The following JAK1 variants were observed in gnomAD, a reference collection of about 807,000 sequenced individuals.
The protein encoded by JAK1 is tyrosine-protein kinase JAK1.
Under a neutral mutation model 136.6 loss-of-function variants are expected in JAK1, and 16 were observed. The ratio of observed to expected loss-of-function variants is 0.12; its 90% confidence interval spans 0.08 to 0.18. The LOEUF is 0.18. JAK1 is among the 10% of genes least tolerant of loss of function. JAK1 has a pLI of 1.00. For missense variants in JAK1, 859 were observed against 1,450.1 expected, an observed-to-expected ratio of 0.59 and a Z score of 6.62; for synonymous variants, 492 against 519.5, an observed-to-expected ratio of 0.95 and a Z score of 0.72.
intron 2 of JAK1, among the ~76,000 whole-genome samples, chr1:64,977,805 T>C (rs1646510616): frequency 6.6e-6 from 1 of 151,696 alleles, no homozygotes; most frequent in African/African-American, 2.4e-5. Context: ...TGCCCAGCAC[T>C]GTGCTAAGTA....
At chr1:64,989,910 A>C (rs1569834267) in intron 2 of JAK1, 1 of 152,210 alleles carries the variant, frequency 6.6e-6, no homozygotes, top group Non-Finnish European at 1.5e-5. Context: ...GTGTTGAAGG[A>C]GGGCCCCAGT....
intron 1 of JAK1, among the ~76,000 whole-genome samples, chr1:65,060,615 A>G (rs1383768029): frequency 6.6e-6 from 1 of 150,956 alleles, no homozygotes; most frequent in Non-Finnish European, 1.5e-5. Context: ...CCTAAATTAG[A>G]AAAAAAAAGA....
chr1:64,993,221 T>C (rs944431087), intron 2 of JAK1: 1 of 152,248 alleles, frequency 6.6e-6, no homozygotes, highest in African/African-American at 2.4e-5. Context: ...AGTCGACTTT[T>C]AAAATTTACT....
Position 64,985,016 on chromosome 1 carries a change from A to T in JAK1, c.-78+59464T>A, listed in dbSNP as rs370743856. 55 of 860,520 alleles carry T rather than the reference A, an allele frequency of 6.4e-5. 5 individuals carry two copies. The highest frequency in any genetic ancestry group is 1.3e-4 in the African/African-American group (8 of 60,644). The allele number at this position is 860,520 out of a possible 1,614,324, so 53.3% of individuals were successfully genotyped here. Reference sequence around the variant, plus strand: ...CCCCAATACAGACAAAGCTTATCCCATTACACTCATCCTTCAATAACAAAC... The same window carrying T: ...CCCCAATACAGACAAAGCTTATCCCTTTACACTCATCCTTCAATAACAAAC... On this transcript the variant is annotated intron_variant, in intron 2 of 25. Coordinates refer to the JAK1 transcript ENST00000671954.
At chr1:64,999,810 G>A (rs1035254837) in intron 2 of JAK1, among the ~76,000 whole-genome samples, 3 of 151,448 alleles carry the variant, frequency 2.0e-5, no homozygotes, top group Admixed American at 2.0e-4. Context: ...GCTGCCCAAA[G>A]CTTTCTCTAA....
At chr1:64,928,785 A>AAAAAAAC (rs1553169982) in intron 1 of JAK1, among the ~76,000 whole-genome samples, 34 of 121,060 alleles carry the variant, frequency 2.8e-4, no homozygotes, top group East Asian at 4.1e-4. Context: ...CTGCAAAAAA[A>AAAAAAAC]AAAAAAAAAA....
chr1:65,004,480 GT>G (rs1299666324), intron 2 of JAK1, among the ~76,000 whole-genome samples: 11 of 152,190 alleles, frequency 7.2e-5, no homozygotes, highest in African/African-American at 2.7e-4. Context: ...GACTGGATTT[GT>G]TGCTCATCTT....
At chr1:64,930,393 G>A (rs958270763) in intron 1 of JAK1, among the ~76,000 whole-genome samples, 14 of 152,022 alleles carry the variant, frequency 9.2e-5, no homozygotes, top group Non-Finnish European at 1.3e-4. Flanking sequence ...CAAACATAGG[G>A]GAAAAAAGCT....
chr1:65,014,418 AAAAGAAAG>A (rs150626130), intron 2 of JAK1, among the ~76,000 whole-genome samples: 36 of 152,022 alleles, frequency 2.4e-4, no homozygotes, highest in Admixed American at 1.8e-3. Context: ...AGGTAGAAAG[AAAAGAAAG>A]AAAGAGAGAA....
At chr1:64,935,894 C>T (rs1004774058) in intron 1 of JAK1, among the ~76,000 whole-genome samples, 5 of 152,096 alleles carry the variant, frequency 3.3e-5, no homozygotes, top group Admixed American at 6.5e-5. Context: ...TGCTGGAGGG[C>T]GAACTGACAG....
chr1:64,950,152 G>A (rs191982451), intron 1 of JAK1, among the ~76,000 whole-genome samples: 1 of 152,228 alleles, frequency 6.6e-6, no homozygotes, highest in South Asian at 2.1e-4. Context: ...GCTTACACCT[G>A]CAATCCCAGC....
intron 2 of JAK1, among the ~76,000 whole-genome samples, chr1:64,975,132 G>A (rs1181903638): frequency 6.6e-6 from 1 of 151,140 alleles, no homozygotes; most frequent in East Asian, 1.9e-4. Context: ...TACATTGCCC[G>A]GGCTGGAGTG....
intron 1 of JAK1, among the ~76,000 whole-genome samples, chr1:64,915,145 A>G (rs1419679766): frequency 6.6e-6 from 1 of 152,202 alleles, no homozygotes. Flanking sequence ...CTAAAATGGC[A>G]GATTGAACAG....
In JAK1 at chr1:64,984,863, G is replaced by C. The variant is rs1444473416; in HGVS notation, c.-78+59617C>G. 1.7e-6 allele frequency: 2 copies of C among 1,187,296 alleles called. No individual in the cohort carries two copies. Among genetic ancestry groups the C allele is most frequent in the Non-Finnish European group, 2.5e-6 (2 of 795,078 alleles). The allele number at this position is 1,187,296 out of a possible 1,614,324, so 73.5% of individuals were successfully genotyped here. A position where few individuals can be genotyped will look rare whatever the true frequency, so the allele number is the denominator to read the frequency against. On this transcript the variant is annotated intron_variant, in intron 2 of 25. Coordinates refer to the JAK1 transcript ENST00000671954. This position sits in a 1 kb window ranked among gnomAD's most constrained non-coding sequence, Gnocchi z 4.1. ...AAAGCAATCTGACTAGGAAGTTGGA[G>C]GTCCAGGTGGAGCAGCCGGCCACTG...
At chr1:65,047,924 A>C (rs1647202822) in intron 1 of JAK1, among the ~76,000 whole-genome samples, 1 of 152,152 alleles carries the variant, frequency 6.6e-6, no homozygotes, top group Admixed American at 6.6e-5. Flanking sequence ...GTAAAAAAAA[A>C]ATCAGTTGTG....
At chr1:64,842,048 T>C (rs1381007392) in intron 17 of JAK1, among the ~76,000 whole-genome samples, 1 of 152,200 alleles carries the variant, frequency 6.6e-6, no homozygotes, top group Admixed American at 6.5e-5. Flanking sequence ...AATATAAAAT[T>C]AGTCAAGTAA....
intron 12 of JAK1, among the ~76,000 whole-genome samples, chr1:64,849,495 G>A (rs1557631452): frequency 2.0e-5 from 3 of 152,170 alleles, no homozygotes; most frequent in Non-Finnish European, 2.9e-5. Context: ...TGTGTGAGCC[G>A]CTGTGCCTGG....
rs1646383742 is a variant in JAK1 at position 64,966,517 on chromosome 1, T to TCCGCGGCCG, written c.-271_-263dup. The TCCGCGGCCG allele has an allele frequency of 1.3e-5, 2 of 149,652 alleles. No individual in the cohort carries two copies. Among genetic ancestry groups the TCCGCGGCCG allele is most frequent in the African/African-American group, 4.9e-5 (2 of 40,906 alleles). 9.3% of individuals were successfully genotyped at this position (149,652 alleles called of 1,614,324 possible). ...CGCACTGTCTGCAGCTCCAGGATAC[T>TCCGCGGCCG]CCGCGGCCGCCGCGGCCTGCGCTCA... On this transcript the variant is annotated 5_prime_UTR_variant, in exon 1 of 25. Transcript: ENST00000342505.
At position 64,888,205 on chromosome 1, in the gene JAK1, C is replaced by T. The variant is rs889440641; in HGVS notation, c.-77-1864G>A. Among the ~76,000 whole-genome samples, 5 of 152,290 alleles carry T rather than the reference C, an allele frequency of 3.3e-5. No individual in the cohort carries two copies. The East Asian group carries it at 9.6e-4, about 29-fold the overall frequency. ...TTGTTTTGTTTTGTTTTGTTTGAGCCTAAGTCTCACTCTGTCGCCAGGCTG... is the reference window on the plus strand; with the variant it reads ...TTGTTTTGTTTTGTTTTGTTTGAGCTTAAGTCTCACTCTGTCGCCAGGCTG... On this transcript the variant is annotated intron_variant, in intron 1 of 24. Coordinates refer to ENST00000342505, the MANE Select transcript of JAK1 (RefSeq NM_002227.4).
Sources: allele counts gnomAD v4.1 joint callset (sites outside exome capture counted in the v4.1 genomes callset), GRCh38; gene constraint gnomAD v4.1.1; non-coding constraint Gnocchi (gnomAD v3.1); transcripts MANE v1.5; gene names NCBI Gene and HGNC (gene_info 2026-07-23, HGNC 2026-07-21).